CBL: variants seen among roughly 807,000 people sequenced by gnomAD.
CBL encodes the protein E3 ubiquitin-protein ligase CBL.
A neutral mutation model predicts 96.9 loss-of-function variants in CBL; 45 were observed. The observed-to-expected ratio is 0.46, with a 90% CI of 0.37 to 0.60. CBL has a LOEUF of 0.60. Among genes scored for constraint, CBL ranks in the 20% least tolerant of loss-of-function variants. The probability of loss-of-function intolerance (pLI) is 0.00; values close to 1 mark genes in which losing one functional copy is unlikely to be tolerated. For synonymous variants in CBL, 420 were observed against 426.8 expected, an observed-to-expected ratio of 0.98 and a Z score of 0.20; for missense variants, 1,024 against 1,143.5, an observed-to-expected ratio of 0.90 and a Z score of 1.51.
At chr11:119,241,599 A>G (rs1371680251) in intron 2 of CBL, among the ~76,000 whole-genome samples, 1 of 152,182 alleles carries the variant, frequency 6.6e-6, no homozygotes, top group Non-Finnish European at 1.5e-5. Context: ...GCGAGACAAA[A>G]GTGTTTGTGC....
rs1950105604 is a variant in CBL at position 119,302,001 on chromosome 11, CTA to C, written c.*2226_*2227del. 4.3e-6 allele frequency: 1 copy of C among 232,930 alleles called. No individual in the cohort carries two copies. The highest frequency in any genetic ancestry group is 8.5e-6 in the Non-Finnish European group (1 of 117,944). 14.4% of individuals were successfully genotyped at this position (232,930 alleles called of 1,614,324 possible). A position where few individuals can be genotyped will look rare whatever the true frequency, so the allele number is the denominator to read the frequency against. ...ATCTCTTTGGAAGACAAAGCATTGG[CTA>C]TATATCTTTTGCCTTTTCCATGCAT... is the stretch of plus-strand genomic sequence containing the variant. On this transcript the variant is annotated 3_prime_UTR_variant, in exon 16 of 16. Transcript: ENST00000264033.
chr11:119,298,366 A>G lies in CBL; in HGVS notation c.2260A>G (p.Asn754Asp). The G allele has an allele frequency of 6.2e-7, 1 of 1,614,120 alleles. No individual in the cohort carries two copies. ...ITESSTFGEG[N>D]LAAAHANTGP... ...CACTCATTTTTCTCCAGGTGAAGGG[A>G]ATTTGGCCGCAGCCCATGCCAACAC... The change falls in exon 15 of 16, where the codon AAT becomes GAT. Residue 754 changes from asparagine to aspartate, a missense_variant. Physicochemically the swap from Asn to Asp is conservative, Grantham distance 23 (BLOSUM62 1). Around this residue, in one of 4 missense-constraint regions of CBL, gnomAD observed 695 missense variants for 661.6 expected, o/e 1.05. Transcript: ENST00000264033.
chr11:119,212,915 G>A (rs892795454), intron 1 of CBL, among the ~76,000 whole-genome samples: 4 of 150,854 alleles, frequency 2.7e-5, no homozygotes, highest in Non-Finnish European at 5.9e-5. Context: ...AGAGGTTGCA[G>A]TGAGCCAAGA....
chr11:119,274,756 T>G (rs539447357), intron 4 of CBL, 76 bp from the exon 5 acceptor site: 90 of 1,414,850 alleles, frequency 6.4e-5, no homozygotes, highest in South Asian at 2.9e-4. Flanking sequence ...TGGTGTTGTT[T>G]TTTTTTTTTC....
chr11:119,292,317 CT>C (rs1192319942), intron 12 of CBL, among the ~76,000 whole-genome samples: 3 of 151,678 alleles, frequency 2.0e-5, no homozygotes, highest in Non-Finnish European at 4.4e-5. Flanking sequence ...CTGGGACTAC[CT>C]TTTCCGGAAT....
chr11:119,253,082 A>G (rs555448967), intron 2 of CBL, among the ~76,000 whole-genome samples: 1 of 152,084 alleles, frequency 6.6e-6, no homozygotes, highest in South Asian at 2.1e-4. Flanking sequence ...ATAAGGTTAC[A>G]TGCACATATC....
intron 1 of CBL, among the ~76,000 whole-genome samples, chr11:119,223,060 G>C (rs1949423677): frequency 6.6e-6 from 1 of 151,888 alleles, no homozygotes; most frequent in Non-Finnish European, 1.5e-5. Flanking sequence ...TGTACCTGTA[G>C]TCCCGGCTAC....
At chr11:119,282,199 A>G (rs1335760178) in intron 9 of CBL, among the ~76,000 whole-genome samples, 1 of 145,098 alleles carries the variant, frequency 6.9e-6, no homozygotes, top group Non-Finnish European at 1.5e-5. Flanking sequence ...TTAGCCAGGC[A>G]TGGTGGCGCA....
In CBL at chr11:119,301,953, C is replaced by T. The variant is rs1266476018; in HGVS notation, c.*2172C>T. 3 of 232,984 alleles carry T rather than the reference C, an allele frequency of 1.3e-5. No homozygotes were observed. The highest frequency in any genetic ancestry group is 2.5e-5 in the Non-Finnish European group (3 of 117,998). The allele number at this position is 232,984 out of a possible 1,614,324, so 14.4% of individuals were successfully genotyped here. ...CCATATTGTAATTTTTCTTTATCTGCAGATATTGCCTGTAGTCTAAAGATC... is the reference window on the plus strand; with the variant it reads ...CCATATTGTAATTTTTCTTTATCTGTAGATATTGCCTGTAGTCTAAAGATC... On this transcript the variant is annotated 3_prime_UTR_variant, in exon 16 of 16. Coordinates refer to ENST00000264033, the MANE Select transcript of CBL (RefSeq NM_005188.4).
chr11:119,264,002 G>C (rs1286628379), intron 2 of CBL, among the ~76,000 whole-genome samples: 1 of 152,160 alleles, frequency 6.6e-6, no homozygotes, highest in Non-Finnish European at 1.5e-5. Context: ...TGAGTCTTAA[G>C]CCTATACCAT....
intron 2 of CBL, among the ~76,000 whole-genome samples, chr11:119,235,991 GT>G (rs1443962916): frequency 5.3e-5 from 8 of 151,970 alleles, no homozygotes; most frequent in African/African-American, 1.9e-4. Flanking sequence ...AATATATAGG[GT>G]TTTTGCGAAT....
chr11:119,296,255 CT>C lies in CBL; in HGVS notation c.2037-656del, dbSNP rs1030567519. Among the ~76,000 whole-genome samples, 22 of 152,138 alleles carry C rather than the reference CT, an allele frequency of 1.4e-4. 1 individual carries two copies. The highest frequency in any genetic ancestry group is 4.1e-4 in the South Asian group (2 of 4,824). ...CTCCAAGAAGTAGGTTTTTGTGTGT[CT>C]TTTTTTCCCCCCTACAATTTAGTGG... On this transcript the variant is annotated intron_variant, in intron 12 of 15. Coordinates refer to ENST00000264033, the MANE Select transcript of CBL (RefSeq NM_005188.4).
intron 15 of CBL, among the ~76,000 whole-genome samples, 178 bp from the exon 16 acceptor site, chr11:119,299,317 G>C (rs1037443817): frequency 2.0e-5 from 3 of 152,170 alleles, no homozygotes; most frequent in African/African-American, 7.2e-5. Flanking sequence ...TTTTTATTGT[G>C]ATGAGGAGGC....
rs746728465 is a variant in CBL at position 119,285,054 on chromosome 11, G to T, written c.1517G>T (p.Arg506Leu). The T allele has an allele frequency of 5.0e-6, 8 of 1,614,006 alleles. No individual in the cohort carries two copies. The highest frequency in any genetic ancestry group is 1.6e-4 in the Middle Eastern group (1 of 6,084). ...VPPRLDLLPQ[R>L]VCVPSSASAL... ...CCACGACTTGACCTTCTGCCGCAGC[G>T]AGTATGTGTTCCCTCAAGTGCTTCT... Residue 506 changes from arginine (R) to leucine (L), a missense_variant, in exon 10 of 16, where the codon CGA becomes CTA. Transcript: ENST00000264033.
intron 2 of CBL, among the ~76,000 whole-genome samples, chr11:119,265,883 G>A (rs559478331): frequency 3.4e-4 from 52 of 152,092 alleles, no homozygotes; most frequent in Admixed American, 2.4e-3. Context: ...TTAACCGGGC[G>A]TGGTGGTGTG....
At chr11:119,242,680 G>A (rs1407091650) in intron 2 of CBL, among the ~76,000 whole-genome samples, 1 of 150,976 alleles carries the variant, frequency 6.6e-6, no homozygotes, top group East Asian at 1.9e-4. Context: ...CAGTTGAGGT[G>A]GGGAGGATCA....
intron 2 of CBL, among the ~76,000 whole-genome samples, chr11:119,245,956 CTTTTTTTTTTTTTTTTTTTTT>C (rs71048054): frequency 3.7e-4 from 20 of 54,302 alleles, no homozygotes; most frequent in Admixed American, 1.1e-3. Flanking sequence ...CTTTGCAAAT[CTTTTTTTTTTTTTTTTTTTTT>C]TTTTTTTTTT....
chr11:119,225,154 T>G (rs1227217177), intron 1 of CBL, among the ~76,000 whole-genome samples: 3 of 151,952 alleles, frequency 2.0e-5, no homozygotes, highest in African/African-American at 7.3e-5. Flanking sequence ...ATGAGTGCAG[T>G]GGCGTGATCT....
chr11:119,282,056 G>A (rs891822594), intron 9 of CBL, among the ~76,000 whole-genome samples: 1 of 152,006 alleles, frequency 6.6e-6, no homozygotes, highest in African/African-American at 2.4e-5. Flanking sequence ...AGAATATTGC[G>A]GCCGGGTGCG....
Sources: allele counts gnomAD v4.1 joint callset (sites outside exome capture counted in the v4.1 genomes callset), GRCh38; gene constraint gnomAD v4.1.1; regional missense constraint gnomAD v4.1.1; transcripts MANE v1.5; gene names NCBI Gene and HGNC (gene_info 2026-07-23, HGNC 2026-07-21).